GBP2: variants seen among roughly 807,000 people sequenced by gnomAD.
GBP2 encodes guanylate binding protein 2, also known as guanylate-binding protein 2.
A neutral mutation model predicts 60.8 loss-of-function variants in GBP2; 54 were observed. The ratio of observed to expected loss-of-function variants is 0.89; its 90% CI spans 0.71 to 1.11. GBP2 has a LOEUF of 1.11. GBP2 is among the 50% of genes most tolerant of loss of function. The pLI is 0.00. For missense variants in GBP2, 665 were observed against 703.3 expected (o/e 0.95, Z 0.62); for synonymous variants, 243 against 256.5 (o/e 0.95, Z 0.50).
At chr1:89,113,956 T>TA (rs1681215953) in intron 7 of GBP2, 60 bp downstream of exon 7, 1 of 1,584,816 alleles carries the variant, frequency 6.3e-7, no homozygotes, top group African/African-American at 1.4e-5. Context: ...TAGAAAGAAT[T>TA]ATTTTCCCAT....
At chr1:89,110,748 T>C (rs1283773614) in intron 8 of GBP2, among the ~76,000 whole-genome samples, 7 of 152,128 alleles carry the variant, frequency 4.6e-5, no homozygotes, top group Non-Finnish European at 1.0e-4. Flanking sequence ...GATAAAAGAC[T>C]ACACACTGGG....
intron 8 of GBP2, among the ~76,000 whole-genome samples, chr1:89,111,950 C>T (rs1026061071): frequency 1.3e-5 from 2 of 151,836 alleles, no homozygotes; most frequent in African/African-American, 4.8e-5. Context: ...CATATGTACC[C>T]ACAAAAGTAA....
In GBP2 at chr1:89,119,914, G is replaced by A. The variant is rs527430180; in HGVS notation, c.428+265C>T. 40 of 388,066 alleles carry A rather than the reference G, an allele frequency of 1.0e-4. No homozygotes were observed. The East Asian group carries it at 2.2e-3, about 21-fold the overall frequency. 24.0% of individuals were successfully genotyped at this position (388,066 alleles called of 1,614,324 possible). On this transcript the variant is annotated intron_variant, in intron 4 of 10. Transcript: ENST00000370466. The stretch of plus-strand genomic sequence containing the variant: ...GAGAACATGAGTTCTAGAGGACATT[G>A]AAGGTTTGGACAGGCATAGGAGATT...
intron 7 of GBP2, 62 bp from the exon 8 acceptor site, chr1:89,112,746 T>C (rs1354230052): frequency 7.5e-7 from 1 of 1,338,904 alleles, no homozygotes; most frequent in African/African-American, 1.4e-5. Flanking sequence ...GTTAACTATG[T>C]GGAGACTGGA....
In GBP2 at chr1:89,115,094, A is replaced by G. The variant is rs552248804; in HGVS notation, c.869-798T>C. Among the ~76,000 whole-genome samples the G allele has an allele frequency of 3.9e-5, 6 of 152,316 alleles. No homozygotes were observed. In the East Asian group the frequency reaches 7.7e-4, roughly 20 times the overall value. The stretch of plus-strand genomic sequence containing the variant: ...AAAACTTCATCCACTCTGAAAAACT[A>G]TTTCTCCTCTTGATGCTACTATCTC... On this transcript the variant is annotated intron_variant, in intron 6 of 10. Transcript: ENST00000370466.
intron 8 of GBP2, among the ~76,000 whole-genome samples, chr1:89,111,662 T>G (rs1681169478): frequency 6.6e-6 from 1 of 151,392 alleles, no homozygotes; most frequent in African/African-American, 2.4e-5. Context: ...TGGGGATGGT[T>G]AATGGGTAAA....
Position 89,114,062 on chromosome 1 carries a change from T to C in GBP2, c.1103A>G (p.Lys368Arg), listed in dbSNP as rs1222363090. The change falls in exon 7 of 11, where the codon AAG (lysine) becomes AGG (arginine). Residue 368 changes from lysine to arginine, a missense_variant. Coordinates refer to ENST00000370466, the MANE Select transcript of GBP2 (RefSeq NM_004120.5). ...SEREAIEVFM[K>R]NSFKDVDQMF... ...TTGGTCCACATCCTTGAAAGAGTTC[T>C]TCATGAAGACTTCAATGGCCTCTCT... is the stretch of plus-strand genomic sequence containing the variant. The C allele has an allele frequency of 6.2e-7, 1 of 1,614,130 alleles. No homozygotes were observed. Among genetic ancestry groups the C allele is most frequent in the African/African-American group, 1.3e-5 (1 of 74,946 alleles).
chr1:89,123,144 A>G (rs1681443670), intron 1 of GBP2, among the ~76,000 whole-genome samples: 1 of 152,174 alleles, frequency 6.6e-6, no homozygotes, highest in Admixed American at 6.5e-5. Flanking sequence ...TCCTTCTGAC[A>G]TTACAATATA....
intron 6 of GBP2, 51 bp downstream of exon 6, chr1:89,116,941 T>C: frequency 6.3e-7 from 1 of 1,598,924 alleles, no homozygotes; most frequent in Non-Finnish European, 8.6e-7. Flanking sequence ...TCCTCTACAA[T>C]GGGCAGAAGG....
At chr1:89,108,511 G>T (rs570555345) in intron 10 of GBP2, among the ~76,000 whole-genome samples, 1 of 152,040 alleles carries the variant, frequency 6.6e-6, no homozygotes, top group African/African-American at 2.4e-5. Context: ...TTATTCCTTG[G>T]TCCCTTCACC....
Position 89,112,462 on chromosome 1 carries a change from T to G in GBP2, c.1362+10A>C, listed in dbSNP as rs1288995950. The G allele has an allele frequency of 6.2e-7, 1 of 1,611,960 alleles. No individual in the cohort carries two copies. Among genetic ancestry groups the G allele is most frequent in the South Asian group, 1.1e-5 (1 of 91,020 alleles). On this transcript the variant is annotated intron_variant, in intron 8 of 10. Coordinates refer to ENST00000370466, the MANE Select transcript of GBP2 (RefSeq NM_004120.5). ...GAGTCCCAAGAAATGGTACCCACCG[T>G]GTAGTTTACCTGTATCCCCTTCCTT...
Position 89,117,702 on chromosome 1 carries a change from G to A in GBP2, c.500C>T (p.Ala167Val). ...TGCTGGAAAAAAGCTCACAAAGTCA[G>A]CTGAGTCGTCTACAGAATTGTTACC... ...SPGNNSVDDS[A>V]DFVSFFPAFV... The change falls in exon 5 of 11, where the codon GCT becomes GTT. Residue 167 changes from alanine to valine, a missense_variant. By Grantham distance (64) the Ala-to-Val change is moderately conservative. Transcript: ENST00000370466. 6.2e-7 allele frequency: 1 copy of A among 1,614,084 alleles called. No homozygotes were observed. The highest frequency in any genetic ancestry group is 8.5e-7 in the Non-Finnish European group (1 of 1,179,972).
At chr1:89,117,928 T>C (rs996910297) in intron 4 of GBP2, 155 bp from the exon 5 acceptor site, 2 of 651,596 alleles carry the variant, frequency 3.1e-6, no homozygotes, top group Admixed American at 3.1e-5. Flanking sequence ...CAAACATTTA[T>C]TGAGCACCTA....
At position 89,110,208 on chromosome 1, in the gene GBP2, A is replaced by G. The variant is rs767224206; in HGVS notation, c.1421T>C (p.Leu474Pro). ...TTCTGAGAGTGACTGATCAGTCTGT[A>G]GAAGTGCATCAGCCACATCCTCCTT... ...ESKEDVADAL[L>P]QTDQSLSEKE... The change falls in exon 9 of 11, where the codon CTA (leucine) becomes CCA (proline). Residue 474 changes from leucine (L) to proline (P), a missense_variant. Coordinates refer to ENST00000370466, the MANE Select transcript of GBP2 (RefSeq NM_004120.5). 1 of 1,613,974 alleles carries G rather than the reference A, an allele frequency of 6.2e-7. No homozygotes were observed. Among genetic ancestry groups the G allele is most frequent in the Admixed American group, 1.7e-5 (1 of 60,004 alleles).
At chr1:89,108,839 T>C (rs1376618464) in intron 10 of GBP2, among the ~76,000 whole-genome samples, 1 of 151,616 alleles carries the variant, frequency 6.6e-6, no homozygotes, top group Non-Finnish European at 1.5e-5. Flanking sequence ...AACAAGAAAG[T>C]ATTGGCACCA....
At chr1:89,115,338 T>C (rs1241210829) in intron 6 of GBP2, among the ~76,000 whole-genome samples, 1 of 152,150 alleles carries the variant, frequency 6.6e-6, no homozygotes, top group Non-Finnish European at 1.5e-5. Flanking sequence ...CCACTGCAAA[T>C]AGCATCCATC....
rs1330582505 is a variant in GBP2, at chr1:89,112,652, A to T, written c.1182T>A (p.Cys394Ter). The T allele has an allele frequency of 6.2e-7, 1 of 1,614,092 alleles. No homozygotes were observed. The highest frequency in any genetic ancestry group is 8.5e-7 in the Non-Finnish European group (1 of 1,180,032). ...CTGATGATGCTTTGGAATTCTGCTTACAAAAGTCATCTCGCCTTGCTTCCA... is the reference window on the plus strand; with the variant it reads ...CTGATGATGCTTTGGAATTCTGCTTTCAAAAGTCATCTCGCCTTGCTTCCA... The part of the protein sequence containing the change: ...AQLEARRDDF[C>*]KQNSKASSDC... Residue 394 changes from cysteine (C) to a stop codon, truncating the protein, a stop_gained, in exon 8 of 11, where the codon TGT becomes TGA. Coordinates refer to ENST00000370466, the MANE Select transcript of GBP2 (RefSeq NM_004120.5). LOFTEE classifies it high-confidence loss of function.
intron 8 of GBP2, 67 bp downstream of exon 8, chr1:89,112,405 T>A: frequency 7.4e-7 from 1 of 1,357,460 alleles, no homozygotes; most frequent in Non-Finnish European, 1.0e-6. Flanking sequence ...ATTTACCTTC[T>A]TCCCAGTGGG....
At chr1:89,123,496 A>T (rs1383485972) in intron 1 of GBP2, among the ~76,000 whole-genome samples, 2 of 152,208 alleles carry the variant, frequency 1.3e-5, no homozygotes, top group African/African-American at 4.8e-5. Context: ...ATACATAATA[A>T]ATTTAGTTAT....
Sources: allele counts gnomAD v4.1 joint callset (sites outside exome capture counted in the v4.1 genomes callset), GRCh38; gene constraint gnomAD v4.1.1; transcripts MANE v1.5; gene names NCBI Gene and HGNC (gene_info 2026-07-23, HGNC 2026-07-21).